The following ZPBP variants were observed in gnomAD, a reference collection of about 807,000 sequenced individuals.
ZPBP encodes zona pellucida-binding protein 1.
Under a neutral mutation model 44.8 loss-of-function variants are expected in ZPBP, and 26 were observed. The observed-to-expected ratio is 0.58, with a 90% CI of 0.43 to 0.81. The LOEUF (loss-of-function observed/expected upper bound fraction) is 0.81. Ranked by LOEUF, ZPBP falls within the 30% of genes least tolerant of loss-of-function variation. The pLI is 0.00. For missense variants in ZPBP, 409 were observed against 434.0 expected, an observed-to-expected ratio of 0.94 and a Z score of 0.51; for synonymous variants, 174 against 153.2, an observed-to-expected ratio of 1.14 and a Z score of -1.00.
intron 6 of ZPBP, among the ~76,000 whole-genome samples, chr7:50,002,952 G>A (rs1034206887): frequency 3.3e-5 from 5 of 152,024 alleles, no homozygotes; most frequent in Non-Finnish European, 7.4e-5. Flanking sequence ...TAAAACTAAG[G>A]GTAGAAGTTA....
At chr7:49,867,636 C>T (rs1040964485) in intron 2 of ZPBP, among the ~76,000 whole-genome samples, 1 of 152,158 alleles carries the variant, frequency 6.6e-6, no homozygotes, top group Non-Finnish European at 1.5e-5. Context: ...ATTCACCCTC[C>T]TGAACTCTAG....
intron 2 of ZPBP, among the ~76,000 whole-genome samples, chr7:49,880,364 T>C (rs935524494): frequency 3.9e-5 from 6 of 152,042 alleles, no homozygotes; most frequent in Admixed American, 2.0e-4. Flanking sequence ...TCTGAATTTA[T>C]AGATAACTTT....
chr7:50,069,645 C>G (rs1430135113), intron 3 of ZPBP, among the ~76,000 whole-genome samples: 1 of 152,178 alleles, frequency 6.6e-6, no homozygotes, highest in African/African-American at 2.4e-5. Flanking sequence ...ATAATCACCA[C>G]TAAATCTTTT....
intron 2 of ZPBP, among the ~76,000 whole-genome samples, chr7:49,862,669 T>C (rs1030701927): frequency 6.6e-6 from 1 of 152,026 alleles, no homozygotes; most frequent in African/African-American, 2.4e-5. Flanking sequence ...TTTTTCATTA[T>C]AATAGATCAT....
chr7:49,906,221 G>A (rs1445741799), intron 1 of ZPBP, among the ~76,000 whole-genome samples: 2 of 152,136 alleles, frequency 1.3e-5, no homozygotes, highest in East Asian at 3.8e-4. Context: ...CTCACTTGGG[G>A]TGTGGATCAG....
chr7:50,063,157 T>C (rs2128834319), intron 3 of ZPBP, among the ~76,000 whole-genome samples: 1 of 152,302 alleles, frequency 6.6e-6, no homozygotes, highest in Middle Eastern at 3.4e-3. Context: ...AGACACAGGG[T>C]CTTCACAATG....
At chr7:49,921,477 C>T (rs1583845258) in intron 1 of ZPBP, 1 of 152,046 alleles carries the variant, frequency 6.6e-6, no homozygotes, top group Admixed American at 6.6e-5. Context: ...GATTCTAATC[C>T]CAGTTCTACC....
At chr7:49,925,194 T>C (rs1794189025) in intron 1 of ZPBP, among the ~76,000 whole-genome samples, 1 of 152,224 alleles carries the variant, frequency 6.6e-6, no homozygotes, top group Non-Finnish European at 1.5e-5. Flanking sequence ...TGAGTGGGCA[T>C]CAGCCTTCCT....
chr7:50,000,404 A>G (rs1198916402), intron 6 of ZPBP, among the ~76,000 whole-genome samples: 2 of 152,190 alleles, frequency 1.3e-5, no homozygotes, highest in African/African-American at 2.4e-5. Context: ...ACTTGTTTAA[A>G]GAATTTTTTG....
At chr7:50,041,120 T>C (rs1800074475) in intron 4 of ZPBP, among the ~76,000 whole-genome samples, 2 of 152,168 alleles carry the variant, frequency 1.3e-5, no homozygotes, top group Non-Finnish European at 2.9e-5. Flanking sequence ...TCCTCTTCTC[T>C]GGGAAGGGTA....
chr7:50,093,187 G>T lies in ZPBP; in HGVS notation c.8C>A (p.Ala3Asp), dbSNP rs1400554670. 2.6e-6 allele frequency: 4 copies of T among 1,525,322 alleles called. No individual in the cohort carries two copies. The highest frequency in any genetic ancestry group is 2.8e-5 in the African/African-American group (2 of 70,320). The allele number at this position is 1,525,322 out of a possible 1,614,324, so 94.5% of individuals were successfully genotyped here. A position where few individuals can be genotyped will look rare whatever the true frequency, so the allele number is the denominator to read the frequency against. ME[A>D]FALGPARRGR... ...CCGCCGCGCTGGGCCAAGGGCGAAG[G>T]CCTCCATCCACACGCCGCCGTCGCC... Residue 3 changes from alanine to aspartate, a missense_variant, in exon 1 of 8, where the codon GCC becomes GAC. Around this residue, in one of 2 missense-constraint regions of ZPBP, gnomAD observed 367 missense variants for 363.1 expected, o/e 1.01. Coordinates refer to ENST00000046087, the MANE Select transcript of ZPBP (RefSeq NM_007009.3).
chr7:49,874,091 C>A (rs951342726), intron 2 of ZPBP, among the ~76,000 whole-genome samples: 1 of 151,852 alleles, frequency 6.6e-6, no homozygotes, highest in East Asian at 1.9e-4. Context: ...GGAGTAAGGA[C>A]GGGACTGGAG....
chr7:49,921,812 T>G (rs890544098), intron 1 of ZPBP: 1 of 152,204 alleles, frequency 6.6e-6, no homozygotes, highest in Admixed American at 6.5e-5. Flanking sequence ...CATTTATATA[T>G]ATATTTACCA....
At chr7:49,911,020 T>C (rs539810050) in intron 1 of ZPBP, among the ~76,000 whole-genome samples, 2 of 152,276 alleles carry the variant, frequency 1.3e-5, no homozygotes, top group South Asian at 4.1e-4. Flanking sequence ...CTTCAAGCAG[T>C]TTGCTTGTTT....
intron 1 of ZPBP, among the ~76,000 whole-genome samples, chr7:49,910,720 C>A (rs879272588): frequency 4.6e-5 from 7 of 152,156 alleles, no homozygotes; most frequent in Non-Finnish European, 7.3e-5. Context: ...TATATTATAG[C>A]TGATATAGAA....
intron 2 of ZPBP, among the ~76,000 whole-genome samples, chr7:49,866,225 C>T (rs958080508): frequency 8.5e-5 from 13 of 152,174 alleles, no homozygotes; most frequent in African/African-American, 1.9e-4. Context: ...ATAGACCCTT[C>T]GCCAGATGTG....
downstream of ZPBP, among the ~76,000 whole-genome samples, chr7:49,847,883 C>T (rs1790009322): frequency 6.6e-6 from 1 of 152,108 alleles, no homozygotes; most frequent in African/African-American, 2.4e-5. Flanking sequence ...GGGTAATCAA[C>T]AAGAAAAGTG....
intron 5 of ZPBP, among the ~76,000 whole-genome samples, chr7:50,030,788 T>C (rs1799572808): frequency 6.6e-6 from 1 of 152,138 alleles, no homozygotes; most frequent in Non-Finnish European, 1.5e-5. Context: ...GTCTTATAAT[T>C]AGATGATTTT....
chr7:49,969,848 GAGAA>G (rs779007030), intron 7 of ZPBP, among the ~76,000 whole-genome samples: 28,282 of 110,160 alleles, frequency 0.26, 3,562 homozygotes, highest in East Asian at 0.66. Flanking sequence ...GAGAGAGAAA[GAGAA>G]AGAGAGAGAG....
Sources: gnomAD v4.1 joint callset for allele counts (sites outside exome capture counted in the v4.1 genomes callset) on GRCh38, gnomAD v4.1.1 for gene constraint, gnomAD v4.1.1 regional missense constraint, MANE v1.5 for transcripts, NCBI Gene and HGNC (gene_info 2026-07-23, HGNC 2026-07-21) for gene names.